Variants in CTNNA3 observed in about 807,000 individuals in gnomAD.
The protein encoded by CTNNA3 is catenin alpha 3, also known as catenin alpha-3.
A neutral mutation model predicts 95.7 loss-of-function variants in CTNNA3; 76 were observed. The ratio of observed to expected loss-of-function variants is 0.79; its 90% CI spans 0.66 to 0.96. The LOEUF (loss-of-function observed/expected upper bound fraction) is 0.96. CTNNA3 is among the 40% of genes least tolerant of loss of function. CTNNA3 has a pLI of 0.00. For synonymous variants in CTNNA3, 431 were observed against 374.4 expected, an observed-to-expected ratio of 1.15 and a Z score of -1.74; for missense variants, 1,191 against 1,089.8, an observed-to-expected ratio of 1.09 and a Z score of -1.31.
Position 67,143,425 on chromosome 10 carries a change from T to TAAAAAAA in CTNNA3, c.1047+36885_1047+36891dup, listed in dbSNP as rs61603392. Among the ~76,000 whole-genome samples the TAAAAAAA allele has an allele frequency of 1.0e-3, 79 of 75,968 alleles. 4 individuals carry two copies. Among genetic ancestry groups the TAAAAAAA allele is most frequent in the Middle Eastern group, 0.011 (1 of 90 alleles). The allele number at this position is 75,968 out of a possible 152,430, so 49.8% of individuals were successfully genotyped here. ...TGGGTGACTGAGCAAGGCTCTGTCT[T>TAAAAAAA]AAAAAAAAAAAAAAAAAAAAAATTA... On this transcript the variant is annotated intron_variant, in intron 7 of 17. Transcript: ENST00000433211.
intron 15 of CTNNA3, among the ~76,000 whole-genome samples, chr10:66,056,290 G>A (rs1320948592): frequency 6.6e-6 from 1 of 152,110 alleles, no homozygotes; most frequent in Non-Finnish European, 1.5e-5. Context: ...TGAAATAATT[G>A]TATGGTTTGC....
intron 5 of CTNNA3, among the ~76,000 whole-genome samples, chr10:67,349,225 T>C (rs1206978893): frequency 6.6e-6 from 1 of 152,146 alleles, no homozygotes; most frequent in Non-Finnish European, 1.5e-5. Context: ...AGAACTGAGA[T>C]CAGGACTTCA....
intron 15 of CTNNA3, among the ~76,000 whole-genome samples, chr10:66,064,668 G>A (rs2080277304): frequency 6.6e-6 from 1 of 152,088 alleles, no homozygotes; most frequent in African/African-American, 2.4e-5. Flanking sequence ...TTAGTCCCAG[G>A]TCTCCGGACT....
chr10:67,116,639 G>A (rs1859202911), intron 7 of CTNNA3, among the ~76,000 whole-genome samples: 1 of 150,846 alleles, frequency 6.6e-6, no homozygotes, highest in South Asian at 2.1e-4. Flanking sequence ...CAACATCACA[G>A]AACAACTCAG....
chr10:66,526,225 A>G (rs1841254246), intron 10 of CTNNA3, among the ~76,000 whole-genome samples: 1 of 151,974 alleles, frequency 6.6e-6, no homozygotes, highest in African/African-American at 2.4e-5. Flanking sequence ...TCACTCTGTC[A>G]CCTATGCTGG....
At chr10:67,438,673 G>A (rs1445718121) in intron 5 of CTNNA3, among the ~76,000 whole-genome samples, 1 of 152,100 alleles carries the variant, frequency 6.6e-6, no homozygotes, top group East Asian at 1.9e-4. Flanking sequence ...TGAATTGCTG[G>A]TGCCACCCCT....
chr10:67,740,483 C>T (rs909012068), intron 1 of CTNNA3, among the ~76,000 whole-genome samples: 37 of 151,250 alleles, frequency 2.4e-4, no homozygotes, highest in African/African-American at 8.5e-4. Flanking sequence ...ACAACCCCAT[C>T]AAAAGGTGGG....
At chr10:66,418,774 C>T (rs1818732160) in intron 11 of CTNNA3, among the ~76,000 whole-genome samples, 1 of 151,980 alleles carries the variant, frequency 6.6e-6, no homozygotes, top group African/African-American at 2.4e-5. Flanking sequence ...GAATAAAACT[C>T]ATATGCTCAT....
rs1841925270 is a variant in CTNNA3 at position 67,569,815 on chromosome 10, A to T, written c.293-30146T>A. Among the ~76,000 whole-genome samples the T allele has an allele frequency of 3.3e-5, 5 of 152,058 alleles. No homozygotes were observed. In the South Asian group the frequency reaches 1.0e-3, roughly 32 times the overall value. On this transcript the variant is annotated intron_variant, in intron 3 of 17. Transcript: ENST00000433211. ...TCATCCCTTTCTTAAGTTTCAAAAG[A>T]AGTGGTGTTCCTTTTTGCTCTTTAA... is the stretch of plus-strand genomic sequence containing the variant.
intron 11 of CTNNA3, among the ~76,000 whole-genome samples, chr10:66,410,999 G>A (rs1346580316): frequency 4.6e-5 from 7 of 152,260 alleles, no homozygotes; most frequent in Non-Finnish European, 7.3e-5. Flanking sequence ...TATGTAACTG[G>A]CAAAGCTGTG....
chr10:66,073,512 A>G (rs181415006), intron 14 of CTNNA3, among the ~76,000 whole-genome samples: 100 of 152,164 alleles, frequency 6.6e-4, no homozygotes, highest in African/African-American at 2.1e-3. Context: ...ACTCAGCCAA[A>G]CCATTTATCC....
intron 13 of CTNNA3, among the ~76,000 whole-genome samples, chr10:66,240,084 C>G (rs180885036): frequency 6.6e-6 from 1 of 151,846 alleles, no homozygotes. Flanking sequence ...CATTGTGTAA[C>G]TTATATTTTT....
At chr10:65,942,230 G>C (rs1564528947) in intron 17 of CTNNA3, among the ~76,000 whole-genome samples, 1 of 152,114 alleles carries the variant, frequency 6.6e-6, no homozygotes, top group African/African-American at 2.4e-5. Context: ...TTAGAACTTG[G>C]GAATGATTGC....
intron 5 of CTNNA3, among the ~76,000 whole-genome samples, chr10:67,243,683 G>A (rs1865803715): frequency 6.6e-6 from 1 of 152,066 alleles, no homozygotes; most frequent in Non-Finnish European, 1.5e-5. Context: ...GAATCCATGA[G>A]GTTCCACTGG....
At chr10:66,934,404 A>C (rs758860076) in intron 7 of CTNNA3, among the ~76,000 whole-genome samples, 3 of 152,124 alleles carry the variant, frequency 2.0e-5, no homozygotes, top group Non-Finnish European at 4.4e-5. Context: ...TTTATAAACC[A>C]ACACAATTCA....
At chr10:67,218,843 T>C (rs1864511545) in intron 6 of CTNNA3, among the ~76,000 whole-genome samples, 1 of 152,230 alleles carries the variant, frequency 6.6e-6, no homozygotes, top group Non-Finnish European at 1.5e-5. Context: ...TCAGTCTATG[T>C]TCCTTATGCA....
At chr10:67,144,400 C>T (rs953968432) in intron 7 of CTNNA3, among the ~76,000 whole-genome samples, 1 of 152,214 alleles carries the variant, frequency 6.6e-6, no homozygotes, top group African/African-American at 2.4e-5. Flanking sequence ...CTTTGATAGG[C>T]ATTGACTTCT....
At chr10:66,227,343 G>A (rs537607099) in intron 13 of CTNNA3, among the ~76,000 whole-genome samples, 1 of 150,042 alleles carries the variant, frequency 6.7e-6, no homozygotes, top group East Asian at 2.0e-4. Flanking sequence ...ACTGTGTTGA[G>A]GTACACTTCT....
intron 7 of CTNNA3, among the ~76,000 whole-genome samples, chr10:66,929,092 A>C (rs1288561415): frequency 6.6e-6 from 1 of 152,202 alleles, no homozygotes; most frequent in Non-Finnish European, 1.5e-5. Flanking sequence ...GAAGGGTTAA[A>C]ATACTGCAAG....
Sources: allele counts gnomAD v4.1 joint callset (sites outside exome capture counted in the v4.1 genomes callset), GRCh38; gene constraint gnomAD v4.1.1; transcripts MANE v1.5; gene names NCBI Gene and HGNC (gene_info 2026-07-23, HGNC 2026-07-21).